Variants in L3MBTL4 observed in about 807,000 individuals in gnomAD.
The protein encoded by L3MBTL4 is L3MBTL histone methyl-lysine binding protein 4.
In L3MBTL4, 70 loss-of-function variants were observed where a neutral mutation model predicts 84.5. The ratio of observed to expected loss-of-function variants is 0.83; its 90% CI spans 0.68 to 1.01. The LOEUF (loss-of-function observed/expected upper bound fraction) is 1.01. L3MBTL4 is among the 50% of genes least tolerant of loss of function. The probability of loss-of-function intolerance (pLI) is 0.00; values close to 1 mark genes in which losing one functional copy is unlikely to be tolerated. For missense variants in L3MBTL4, 715 were observed against 754.8 expected, an observed-to-expected ratio of 0.95 and a Z score of 0.62; for synonymous variants, 274 against 259.8, an observed-to-expected ratio of 1.05 and a Z score of -0.52.
At position 5,964,770 on chromosome 18, in the gene L3MBTL4, G is replaced by A. The variant is rs532224602; in HGVS notation, c.1615-4614C>T. ...CTGAGTCATACCTAGGGGGGTAAAT[G>A]TGCACACCACATATCACGCCCTGCC... On this transcript the variant is annotated intron_variant, in intron 17 of 18. Transcript: ENST00000317931. Among the ~76,000 whole-genome samples the A allele has an allele frequency of 2.0e-5, 3 of 152,182 alleles. No homozygotes were observed. The South Asian group carries it at 6.2e-4, about 32-fold the overall frequency.
intron 4 of L3MBTL4, among the ~76,000 whole-genome samples, chr18:6,301,304 T>C (rs1189116124): frequency 1.3e-5 from 2 of 152,214 alleles, no homozygotes; most frequent in African/African-American, 2.4e-5. Flanking sequence ...CTACATTTGA[T>C]AGAAAATTTA....
At chr18:6,064,245 G>A (rs964388721) in intron 16 of L3MBTL4, among the ~76,000 whole-genome samples, 13 of 151,960 alleles carry the variant, frequency 8.6e-5, no homozygotes, top group African/African-American at 1.7e-4. Flanking sequence ...GTACCATGCC[G>A]CTTTGATAAT....
In L3MBTL4 at chr18:6,225,419, C is replaced by T. The variant is rs1311722626; in HGVS notation, c.785-9584G>A. ...CTGGAGAAAGCTCCCTTCCAGAGCA[C>T]CAAAGGTAAAGAAAAAATGTTAAGG... is the stretch of plus-strand genomic sequence containing the variant. On this transcript the variant is annotated intron_variant, in intron 10 of 18. Coordinates refer to ENST00000317931, the MANE Select transcript of L3MBTL4 (RefSeq NM_001330559.2). Among the ~76,000 whole-genome samples, 5 of 151,900 alleles carry T rather than the reference C, an allele frequency of 3.3e-5. No individual in the cohort carries two copies. In the South Asian group the frequency reaches 8.3e-4, roughly 25 times the overall value.
At chr18:5,970,450 C>T (rs2052586357) in intron 16 of L3MBTL4, among the ~76,000 whole-genome samples, 1 of 152,218 alleles carries the variant, frequency 6.6e-6, no homozygotes, top group Admixed American at 6.5e-5. Flanking sequence ...TACATCTCAA[C>T]ATTTAAGGAA....
chr18:6,199,613 G>A (rs920689978), intron 12 of L3MBTL4, among the ~76,000 whole-genome samples: 10 of 152,156 alleles, frequency 6.6e-5, no homozygotes, highest in African/African-American at 2.4e-4. Context: ...GCCATGAGAC[G>A]GGAAGAAAGG....
At chr18:6,215,993 C>T (rs1197638374) in intron 10 of L3MBTL4, among the ~76,000 whole-genome samples, 158 bp from the exon 11 acceptor site, 2 of 152,156 alleles carry the variant, frequency 1.3e-5, no homozygotes, top group African/African-American at 4.8e-5. Context: ...ATTCACTTAA[C>T]CATAACCTCT....
intron 4 of L3MBTL4, among the ~76,000 whole-genome samples, chr18:6,271,904 G>A (rs967163240): frequency 5.9e-5 from 9 of 152,180 alleles, no homozygotes; most frequent in Admixed American, 2.6e-4. Flanking sequence ...GGGTGTCACC[G>A]GGACCGCAGA....
At chr18:5,969,771 T>C (rs1335148651) in intron 16 of L3MBTL4, among the ~76,000 whole-genome samples, 4 of 152,192 alleles carry the variant, frequency 2.6e-5, no homozygotes, top group Non-Finnish European at 5.9e-5. Context: ...ATGTTACCCA[T>C]GCCCAGAAGA....
At chr18:6,053,712 C>T (rs748494659) in intron 16 of L3MBTL4, among the ~76,000 whole-genome samples, 1 of 152,182 alleles carries the variant, frequency 6.6e-6, no homozygotes, top group Non-Finnish European at 1.5e-5. Flanking sequence ...TGGTCCACTG[C>T]AGCATGCGTA....
intron 14 of L3MBTL4, among the ~76,000 whole-genome samples, chr18:6,130,950 G>T (rs1358754436): frequency 1.3e-5 from 2 of 151,938 alleles, no homozygotes; most frequent in Admixed American, 1.3e-4. Flanking sequence ...GAGTATTATT[G>T]CTAACCCCCT....
intron 9 of L3MBTL4, among the ~76,000 whole-genome samples, chr18:6,239,365 A>G (rs1307625455): frequency 7.2e-6 from 1 of 139,250 alleles, no homozygotes; most frequent in Non-Finnish European, 1.5e-5. Flanking sequence ...AAAAAATGTG[A>G]TAAGGTACAT....
intron 12 of L3MBTL4, among the ~76,000 whole-genome samples, chr18:6,201,312 G>T (rs1456981653): frequency 2.2e-4 from 34 of 152,152 alleles, no homozygotes; most frequent in Admixed American, 2.2e-3. Flanking sequence ...TTAAGAGGTG[G>T]GTTTGGTCAT....
rs781711986 is a variant in L3MBTL4 at position 6,380,770 on chromosome 18, G to A, written c.-91+34031C>T. 5.8e-4 allele frequency among the ~76,000 whole-genome samples: 89 copies of A among 152,296 alleles called. 1 individual carries two copies. Among genetic ancestry groups the A allele is most frequent in the Non-Finnish European group, 1.1e-3 (74 of 68,022 alleles). ...TCAATTTTAGAATAAGTGCGACGAG[G>A]TGCTGAGAATAATGTATATTCTGTT... On this transcript the variant is annotated intron_variant, in intron 1 of 18. Transcript: ENST00000317931.
intron 1 of L3MBTL4, among the ~76,000 whole-genome samples, chr18:6,374,897 G>C (rs1410983235): frequency 6.6e-6 from 1 of 152,132 alleles, no homozygotes; most frequent in African/African-American, 2.4e-5. Context: ...AAAATATTCA[G>C]AAGCAAAGCT....
chr18:6,090,618 A>C (rs2058418114), intron 15 of L3MBTL4, among the ~76,000 whole-genome samples: 1 of 131,668 alleles, frequency 7.6e-6, no homozygotes, highest in South Asian at 2.3e-4. Flanking sequence ...ACACACACAC[A>C]CACACATATA....
chr18:6,185,344 G>A (rs763611259), intron 12 of L3MBTL4, among the ~76,000 whole-genome samples: 24 of 152,164 alleles, frequency 1.6e-4, no homozygotes, highest in African/African-American at 4.1e-4. Context: ...AGATCCATAC[G>A]GTGCCAAGGA....
chr18:5,968,754 A>G lies in L3MBTL4; in HGVS notation c.1614+639T>C, dbSNP rs543984866. On this transcript the variant is annotated intron_variant, in intron 17 of 18. Coordinates refer to ENST00000317931, the MANE Select transcript of L3MBTL4 (RefSeq NM_001330559.2). ...AATAAAATAAAATAAAATGTAAAATAACCAATATTGTAAGGCATGTTTATA... is the reference window on the plus strand; with the variant it reads ...AATAAAATAAAATAAAATGTAAAATGACCAATATTGTAAGGCATGTTTATA... Among the ~76,000 whole-genome samples, 46 of 152,256 alleles carry G rather than the reference A, an allele frequency of 3.0e-4. 1 individual carries two copies. The South Asian group carries it at 6.6e-3, about 22-fold the overall frequency.
At chr18:6,051,011 G>A (rs1024296573) in intron 16 of L3MBTL4, among the ~76,000 whole-genome samples, 4 of 152,202 alleles carry the variant, frequency 2.6e-5, no homozygotes, top group Non-Finnish European at 4.4e-5. Context: ...TAGGCTGCAA[G>A]AGCCTGTGAT....
At chr18:6,338,788 A>C (rs1453921534) in intron 1 of L3MBTL4, among the ~76,000 whole-genome samples, 1 of 152,116 alleles carries the variant, frequency 6.6e-6, no homozygotes, top group Non-Finnish European at 1.5e-5. Flanking sequence ...GACTTGAAAA[A>C]TATGTTTTAA....
Sources: allele counts gnomAD v4.1 joint callset (sites outside exome capture counted in the v4.1 genomes callset), GRCh38; gene constraint gnomAD v4.1.1; transcripts MANE v1.5; gene names NCBI Gene and HGNC (gene_info 2026-07-23, HGNC 2026-07-21).